Variants in SNTG1 observed in about 807,000 individuals in gnomAD.
SNTG1 encodes gamma-1-syntrophin.
SNTG1 carries 39 observed loss-of-function variants against 74.7 expected under a neutral mutation model. The observed-to-expected ratio is 0.52, with a 90% confidence interval of 0.40 to 0.68. SNTG1 has a LOEUF of 0.68. Ranked by LOEUF, SNTG1 falls within the 30% of genes least tolerant of loss-of-function variation. SNTG1 has a pLI of 0.00. For missense variants in SNTG1, 685 were observed against 609.5 expected (o/e 1.12, Z -1.30); for synonymous variants, 254 against 217.1 (o/e 1.17, Z -1.49).
intron 2 of SNTG1, among the ~76,000 whole-genome samples, chr8:50,268,623 A>G (rs1378208852): frequency 1.3e-5 from 2 of 151,798 alleles, no homozygotes; most frequent in Admixed American, 1.3e-4. Flanking sequence ...TAGAGAACCT[A>G]AGAATACGTA....
intron 1 of SNTG1, among the ~76,000 whole-genome samples, chr8:49,994,713 T>TC (rs1361477736): frequency 1.3e-5 from 2 of 151,806 alleles, no homozygotes; most frequent in Non-Finnish European, 2.9e-5. Context: ...ATTTTTTTTT[T>TC]CTCTGAACCT....
chr8:50,051,625 C>T (rs755738781), intron 1 of SNTG1, among the ~76,000 whole-genome samples: 32 of 152,078 alleles, frequency 2.1e-4, no homozygotes, highest in Non-Finnish European at 4.0e-4. Context: ...CTTACCTCTT[C>T]CTAGCTGTCA....
intron 2 of SNTG1, among the ~76,000 whole-genome samples, chr8:50,356,662 C>T (rs574499843): frequency 6.6e-6 from 1 of 152,038 alleles, no homozygotes; most frequent in South Asian, 2.1e-4. Flanking sequence ...TTTTCAAGTC[C>T]TTTTTTTAAG....
chr8:50,401,277 C>G (rs2092802100), intron 3 of SNTG1, among the ~76,000 whole-genome samples: 1 of 151,988 alleles, frequency 6.6e-6, no homozygotes, highest in South Asian at 2.1e-4. Flanking sequence ...AAGGAATTAC[C>G]TTTTGTGTCT....
rs190916656 is a variant in SNTG1, at chr8:50,226,083, A to C, written c.-28+53448A>C. 5.1e-3 allele frequency among the ~76,000 whole-genome samples: 778 copies of C among 152,348 alleles called. 7 individuals are homozygous for C. The highest frequency in any genetic ancestry group is 0.018 in the African/African-American group (728 of 41,586). ...GTGTTATTTTTATTAAAAATACTAT[A>C]AAAGTTTATTTTCAAAAAGTTAAAT... On this transcript the variant is annotated intron_variant, in intron 2 of 18. Coordinates refer to ENST00000642720, the MANE Select transcript of SNTG1 (RefSeq NM_018967.5).
Position 49,985,247 on chromosome 8 carries a change from C to G in SNTG1, c.-103+73016C>G, listed in dbSNP as rs1183944737. Among the ~76,000 whole-genome samples, 6 of 152,302 alleles carry G rather than the reference C, an allele frequency of 3.9e-5. No individual in the cohort carries two copies. The East Asian group carries it at 1.2e-3, about 29-fold the overall frequency. ...AGTGTAGTGGCACGATCTCCACTCA[C>G]TGCCACCTCTGCCTCCTGAGTAGCT... On this transcript the variant is annotated intron_variant, in intron 1 of 18. Transcript: ENST00000642720.
At chr8:50,658,923 A>T (rs1368565896) in intron 15 of SNTG1, among the ~76,000 whole-genome samples, 2 of 152,232 alleles carry the variant, frequency 1.3e-5, no homozygotes, top group Non-Finnish European at 2.9e-5. Flanking sequence ...AACAGGGAGA[A>T]GCTCCTCAGG....
intron 2 of SNTG1, among the ~76,000 whole-genome samples, chr8:50,265,953 T>C (rs1384754141): frequency 6.6e-6 from 1 of 151,518 alleles, no homozygotes; most frequent in African/African-American, 2.4e-5. Context: ...CCTAAATGAA[T>C]AGAAAGACAT....
At chr8:50,214,480 A>G (rs2084680481) in intron 2 of SNTG1, among the ~76,000 whole-genome samples, 1 of 152,126 alleles carries the variant, frequency 6.6e-6, no homozygotes, top group Admixed American at 6.6e-5. Flanking sequence ...GTTTATGTGG[A>G]CCAGTAAAAT....
At chr8:50,496,776 C>CTAA (rs1355288635) in intron 8 of SNTG1, among the ~76,000 whole-genome samples, 1 of 151,934 alleles carries the variant, frequency 6.6e-6, no homozygotes, top group African/African-American at 2.4e-5. Flanking sequence ...AATAACTGTG[C>CTAA]TAATACTTTA....
intron 1 of SNTG1, among the ~76,000 whole-genome samples, chr8:50,091,215 A>C (rs1008451832): frequency 1.3e-5 from 2 of 152,060 alleles, no homozygotes; most frequent in African/African-American, 4.8e-5. Context: ...ATATACTTAC[A>C]CGTGGTAAAA....
intron 15 of SNTG1, among the ~76,000 whole-genome samples, chr8:50,689,295 G>C (rs2095366993): frequency 6.6e-6 from 1 of 152,134 alleles, no homozygotes; most frequent in Non-Finnish European, 1.5e-5. Flanking sequence ...ATGTTGAATA[G>C]GAGTGGTGAG....
At chr8:50,592,153 G>A (rs567601350) in intron 13 of SNTG1, among the ~76,000 whole-genome samples, 13 of 152,250 alleles carry the variant, frequency 8.5e-5, no homozygotes, top group African/African-American at 1.7e-4. Flanking sequence ...CCAGTAGAGG[G>A]AAAATGTCAT....
chr8:50,150,628 C>CT (rs2082034327), intron 1 of SNTG1, among the ~76,000 whole-genome samples: 1 of 152,054 alleles, frequency 6.6e-6, no homozygotes, highest in Admixed American at 6.6e-5. Context: ...TGTCAAAGGC[C>CT]TTTTCTGCAT....
chr8:50,284,503 T>C (rs977083057), intron 2 of SNTG1, among the ~76,000 whole-genome samples: 1 of 152,154 alleles, frequency 6.6e-6, no homozygotes, highest in African/African-American at 2.4e-5. Context: ...TCCTTTAACA[T>C]CCACCTGTCA....
intron 15 of SNTG1, among the ~76,000 whole-genome samples, chr8:50,659,140 C>T (rs527791016): frequency 2.6e-5 from 4 of 152,092 alleles, no homozygotes; most frequent in African/African-American, 4.8e-5. Context: ...CATGGCTTGA[C>T]CATCTTTTTG....
At chr8:50,726,821 C>T (rs866950822) in intron 17 of SNTG1, among the ~76,000 whole-genome samples, 3 of 151,880 alleles carry the variant, frequency 2.0e-5, no homozygotes, top group South Asian at 2.1e-4. Flanking sequence ...TGCACTACAG[C>T]CCAGGCGACA....
intron 1 of SNTG1, among the ~76,000 whole-genome samples, chr8:50,088,255 C>A (rs1288716070): frequency 6.6e-6 from 1 of 150,632 alleles, no homozygotes; most frequent in East Asian, 2.0e-4. Context: ...GGACGTATTT[C>A]AAAATAATAA....
chr8:50,695,217 A>AC (rs1445163069), intron 15 of SNTG1, among the ~76,000 whole-genome samples: 2 of 151,530 alleles, frequency 1.3e-5, no homozygotes, highest in African/African-American at 4.8e-5. Context: ...ACACACACAC[A>AC]AAAAAAACCG....
Sources: gnomAD v4.1 joint callset for allele counts (sites outside exome capture counted in the v4.1 genomes callset) on GRCh38, gnomAD v4.1.1 for gene constraint, MANE v1.5 for transcripts, NCBI Gene and HGNC (gene_info 2026-07-23, HGNC 2026-07-21) for gene names.